Variants in ADGRL3 observed in about 807,000 individuals in gnomAD.
ADGRL3 encodes calcium-independent alpha-latrotoxin receptor 3.
ADGRL3 carries 62 observed loss-of-function variants against 153.5 expected under a neutral mutation model. The observed-to-expected ratio is 0.40, with a 90% CI of 0.33 to 0.50. The LOEUF (loss-of-function observed/expected upper bound fraction) is 0.50, where lower values mean the gene tolerates loss of function less well. Among genes scored for constraint, ADGRL3 ranks in the 20% least tolerant of loss-of-function variants. The pLI is 0.47. For synonymous variants in ADGRL3, 710 were observed against 672.5 expected (o/e 1.06, Z -0.86); for missense variants, 1,641 against 1,859.4 (o/e 0.88, Z 2.16).
At chr4:62,066,675 A>G (rs1414540346) in intron 25 of ADGRL3, among the ~76,000 whole-genome samples, 1 of 152,138 alleles carries the variant, frequency 6.6e-6, no homozygotes, top group Non-Finnish European at 1.5e-5. Context: ...ATTTAATTCA[A>G]TTCTAAAGCT....
At chr4:61,898,934 C>T (rs1223899821) in intron 11 of ADGRL3, among the ~76,000 whole-genome samples, 1 of 152,054 alleles carries the variant, frequency 6.6e-6, no homozygotes, top group African/African-American at 2.4e-5. Flanking sequence ...TCTTATTATG[C>T]AAATAGGCTT....
At chr4:61,913,997 G>C (rs2098733874) in intron 13 of ADGRL3, among the ~76,000 whole-genome samples, 1 of 152,024 alleles carries the variant, frequency 6.6e-6, no homozygotes, top group Admixed American at 6.6e-5. Context: ...ACAAATATTA[G>C]TGAACAAGGC....
intron 5 of ADGRL3, among the ~76,000 whole-genome samples, chr4:61,606,730 G>A (rs1270180533): frequency 6.6e-6 from 1 of 152,142 alleles, no homozygotes; most frequent in African/African-American, 2.4e-5. Context: ...TCATGAAGAG[G>A]TCTCACTGCA....
At chr4:61,445,173 A>T (rs1003060461) in intron 2 of ADGRL3, among the ~76,000 whole-genome samples, 1 of 152,168 alleles carries the variant, frequency 6.6e-6, no homozygotes, top group African/African-American at 2.4e-5. Flanking sequence ...AAATCATATG[A>T]GATTGGTTTT....
At position 62,044,569 on chromosome 4, in the gene ADGRL3, C is replaced by T; in HGVS notation, c.3814+20C>T. The T allele has an allele frequency of 1.4e-6, 2 of 1,468,740 alleles. No individual in the cohort carries two copies. Among genetic ancestry groups the T allele is most frequent in the Non-Finnish European group, 1.9e-6 (2 of 1,072,894 alleles). The allele number at this position is 1,468,740 out of a possible 1,614,324, so 91.0% of individuals were successfully genotyped here. On this transcript the variant is annotated intron_variant, in intron 25 of 26. Transcript: ENST00000683033. ...ACAGAGGTAATTAGAAATAATTTTTCATATTTATTACTTTTCTGATTACTT... is the reference window on the plus strand; with the variant it reads ...ACAGAGGTAATTAGAAATAATTTTTTATATTTATTACTTTTCTGATTACTT...
intron 5 of ADGRL3, among the ~76,000 whole-genome samples, chr4:61,590,736 G>T (rs1056154993): frequency 6.6e-6 from 1 of 152,096 alleles, no homozygotes; most frequent in African/African-American, 2.4e-5. Context: ...TCAGCTGAAT[G>T]ATATAAGAGA....
intron 5 of ADGRL3, among the ~76,000 whole-genome samples, chr4:61,591,765 G>A (rs903764784): frequency 2.0e-5 from 3 of 151,822 alleles, no homozygotes; most frequent in East Asian, 2.0e-4. Flanking sequence ...AGTCACATTA[G>A]GAACATGCAG....
At chr4:61,829,490 C>T (rs915427877) in intron 9 of ADGRL3, among the ~76,000 whole-genome samples, 72 of 151,932 alleles carry the variant, frequency 4.7e-4, no homozygotes, top group Admixed American at 4.5e-3. Flanking sequence ...TGTTAATGCC[C>T]GTATCTGTTT....
In ADGRL3 at chr4:61,847,629, A is replaced by T. The variant is rs1330179813; in HGVS notation, c.1480+33740A>T. 1.6e-3 allele frequency among the ~76,000 whole-genome samples: 49 copies of T among 30,276 alleles called. 2 individuals are homozygous for T. The highest frequency in any genetic ancestry group is 3.5e-3 in the African/African-American group (37 of 10,704). The allele number at this position is 30,276 out of a possible 152,430, so 19.9% of individuals were successfully genotyped here. On this transcript the variant is annotated intron_variant, in intron 9 of 26. Transcript: ENST00000683033. ...TAATATATTATATATATAATATAAAATATATTATATATATAATATAAAATA... is the reference window on the plus strand; with the variant it reads ...TAATATATTATATATATAATATAAATTATATTATATATATAATATAAAATA...
chr4:61,370,322 A>G (rs961654280), intron 1 of ADGRL3, among the ~76,000 whole-genome samples: 1 of 151,128 alleles, frequency 6.6e-6, no homozygotes, highest in Non-Finnish European at 1.5e-5. Flanking sequence ...TTGTGATGTT[A>G]GGGTGTCAAT....
chr4:61,663,336 A>T (rs1460340736), intron 5 of ADGRL3, among the ~76,000 whole-genome samples: 1 of 152,184 alleles, frequency 6.6e-6, no homozygotes, highest in Non-Finnish European at 1.5e-5. Context: ...TTCCAGCAGA[A>T]ACTGCATTCT....
intron 2 of ADGRL3, among the ~76,000 whole-genome samples, chr4:61,487,201 A>T (rs2098205200): frequency 6.6e-6 from 1 of 152,272 alleles, no homozygotes; most frequent in Non-Finnish European, 1.5e-5. Flanking sequence ...AATGACTGAA[A>T]ACACAAACCT....
chr4:61,423,421 G>A (rs1429507831), intron 2 of ADGRL3, among the ~76,000 whole-genome samples: 2 of 152,206 alleles, frequency 1.3e-5, no homozygotes, highest in Admixed American at 6.5e-5. Context: ...ATTAATAGAA[G>A]ACAAGATGGG....
intron 6 of ADGRL3, among the ~76,000 whole-genome samples, chr4:61,700,055 T>G (rs2151289517): frequency 6.6e-6 from 1 of 152,028 alleles, no homozygotes; most frequent in African/African-American, 2.4e-5. Flanking sequence ...AGAAAACCAT[T>G]ACTTGAGGAA....
At chr4:61,421,298 C>T (rs2097204418) in intron 2 of ADGRL3, among the ~76,000 whole-genome samples, 1 of 152,128 alleles carries the variant, frequency 6.6e-6, no homozygotes, top group South Asian at 2.1e-4. Context: ...CACGCCACTG[C>T]ACTCCAGCCT....
At chr4:61,349,597 A>T (rs916321170) in intron 1 of ADGRL3, among the ~76,000 whole-genome samples, 39 of 151,736 alleles carry the variant, frequency 2.6e-4, no homozygotes, top group African/African-American at 9.2e-4. Flanking sequence ...TACATGTAAG[A>T]CTTTAGCTGC....
chr4:61,343,796 C>G (rs1298930928), intron 1 of ADGRL3, among the ~76,000 whole-genome samples: 3 of 152,184 alleles, frequency 2.0e-5, no homozygotes, highest in Non-Finnish European at 4.4e-5. Context: ...ATTTCTCAAC[C>G]TATTTGCCTA....
intron 1 of ADGRL3, among the ~76,000 whole-genome samples, chr4:61,249,976 T>A (rs115542439): frequency 6.2e-4 from 94 of 152,296 alleles, no homozygotes; most frequent in Non-Finnish European, 1.1e-3. Context: ...TATGGACTCT[T>A]ATGATGATCC....
At chr4:61,909,426 CAGATGA>C (rs1332596979) in intron 11 of ADGRL3, 128 bp from the exon 12 acceptor site, 1 of 616,774 alleles carries the variant, frequency 1.6e-6, no homozygotes, top group Non-Finnish European at 2.7e-6. Flanking sequence ...GAGTGTATTC[CAGATGA>C]AGATGAAGTT....
Sources: allele counts gnomAD v4.1 joint callset (sites outside exome capture counted in the v4.1 genomes callset), GRCh38; gene constraint gnomAD v4.1.1; transcripts MANE v1.5; gene names NCBI Gene and HGNC (gene_info 2026-07-23, HGNC 2026-07-21).